Variants in ATP2B2 observed in about 807,000 individuals in gnomAD.
ATP2B2 encodes the protein ATPase plasma membrane Ca2+ transporting 2.
A neutral mutation model predicts 120.0 loss-of-function variants in ATP2B2; 15 were observed. That is an observed-to-expected ratio of 0.12 (90% CI 0.08 to 0.19). The LOEUF (loss-of-function observed/expected upper bound fraction) is 0.19, where lower values mean the gene tolerates loss of function less well. ATP2B2 is among the 10% of genes least tolerant of loss of function. ATP2B2 has a pLI of 1.00. For missense variants in ATP2B2, 1,045 were observed against 1,719.8 expected, an observed-to-expected ratio of 0.61 and a Z score of 6.94; for synonymous variants, 694 against 700.3, an observed-to-expected ratio of 0.99 and a Z score of 0.14.
intron 2 of ATP2B2, among the ~76,000 whole-genome samples, chr3:10,537,610 T>C (rs1226574862): frequency 1.3e-5 from 2 of 152,184 alleles, no homozygotes; most frequent in Non-Finnish European, 2.9e-5. Context: ...GATTTTTATG[T>C]AGACAATCAA....
At chr3:10,406,398 CA>C (rs2124996340) in intron 3 of ATP2B2, among the ~76,000 whole-genome samples, 1 of 152,362 alleles carries the variant, frequency 6.6e-6, no homozygotes, top group Admixed American at 6.5e-5. Flanking sequence ...ATGAGCCATG[CA>C]AGGCCGTTTC....
At chr3:10,706,760 G>A (rs1017197786) in intron 1 of ATP2B2, among the ~76,000 whole-genome samples, 1 of 152,206 alleles carries the variant, frequency 6.6e-6, no homozygotes, top group Non-Finnish European at 1.5e-5. Flanking sequence ...GCCCTAGAAG[G>A]TGGGGAAACT....
At chr3:10,409,200 A>C (rs971010240) in intron 3 of ATP2B2, among the ~76,000 whole-genome samples, 1 of 152,172 alleles carries the variant, frequency 6.6e-6, no homozygotes, top group Non-Finnish European at 1.5e-5. Context: ...TTGGTATAAA[A>C]CTTCTTCAAA....
intron 2 of ATP2B2, among the ~76,000 whole-genome samples, chr3:10,442,346 G>A (rs766750209): frequency 1.2e-4 from 19 of 152,258 alleles, no homozygotes; most frequent in East Asian, 3.9e-4. Flanking sequence ...TGGAATCACC[G>A]GGAAGCCCTT....
chr3:10,526,674 C>G (rs1046168469), intron 3 of ATP2B2, among the ~76,000 whole-genome samples: 2 of 152,034 alleles, frequency 1.3e-5, no homozygotes, highest in Non-Finnish European at 1.5e-5. Context: ...GTGCGGATGG[C>G]CAAGAAGGAC....
Position 10,449,774 on chromosome 3 carries a change from G to C in ATP2B2, c.-231C>G. On this transcript the variant is annotated 5_prime_UTR_variant, in exon 2 of 23. Coordinates refer to ENST00000360273, the MANE Select transcript of ATP2B2 (RefSeq NM_001001331.4). ...GGGACGAGGTCCAGGGGCCGGAGGG[G>C]CTCAGGGCTGTAGACCCAGGAGTCT... The C allele has an allele frequency of 1.7e-6, 1 of 602,068 alleles. No individual in the cohort carries two copies. Among genetic ancestry groups the C allele is most frequent in the Non-Finnish European group, 3.0e-6 (1 of 333,310 alleles). 37.3% of individuals were successfully genotyped at this position (602,068 alleles called of 1,614,324 possible).
chr3:10,549,025 G>A (rs144406198), intron 2 of ATP2B2, among the ~76,000 whole-genome samples: 1 of 152,292 alleles, frequency 6.6e-6, no homozygotes, highest in African/African-American at 2.4e-5. Flanking sequence ...TGCCTGTCAA[G>A]CCCCAAACTA....
intron 2 of ATP2B2, among the ~76,000 whole-genome samples, chr3:10,552,434 G>A (rs2067690216): frequency 6.6e-6 from 1 of 152,226 alleles, no homozygotes; most frequent in Non-Finnish European, 1.5e-5. Context: ...GGCTCCTGGG[G>A]TGAGGGAAAA....
chr3:10,513,432 C>T (rs563412608), intron 3 of ATP2B2, among the ~76,000 whole-genome samples: 4 of 152,312 alleles, frequency 2.6e-5, no homozygotes, highest in African/African-American at 9.6e-5. Context: ...GACCACTGTA[C>T]AGATTTCTGT....
chr3:10,666,898 T>C (rs2070954482), intron 1 of ATP2B2, among the ~76,000 whole-genome samples: 1 of 152,164 alleles, frequency 6.6e-6, no homozygotes. Flanking sequence ...CCCACGACTC[T>C]CTGAGTTTTA....
chr3:10,458,025 T>G (rs1456795078), intron 1 of ATP2B2, among the ~76,000 whole-genome samples: 1 of 152,138 alleles, frequency 6.6e-6, no homozygotes, highest in Non-Finnish European at 1.5e-5. Context: ...CAATGTTAGA[T>G]GGCAGGAAAA....
chr3:10,515,630 G>C (rs1239834282), intron 3 of ATP2B2, among the ~76,000 whole-genome samples: 2 of 152,132 alleles, frequency 1.3e-5, no homozygotes, highest in Admixed American at 6.5e-5. Context: ...CTAGAGGCCA[G>C]GTGGTATATG....
Position 10,659,112 on chromosome 3 carries a change from A to T in ATP2B2, c.-459-39151T>A, listed in dbSNP as rs1256916285. The stretch of plus-strand genomic sequence containing the variant: ...GAAGGAAGGACTAAACATGGAAAGG[A>T]ACAACTGGTTCCAGCCACTGCAAAA... On this transcript the variant is annotated intron_variant, in intron 1 of 21. Transcript: ENST00000646379. Among the ~76,000 whole-genome samples the T allele has an allele frequency of 2.0e-5, 3 of 152,248 alleles. No individual in the cohort carries two copies. In the East Asian group the frequency reaches 5.8e-4, roughly 29 times the overall value.
At chr3:10,421,545 A>G (rs1386300152) in intron 2 of ATP2B2, among the ~76,000 whole-genome samples, 1 of 152,220 alleles carries the variant, frequency 6.6e-6, no homozygotes, top group Non-Finnish European at 1.5e-5. Context: ...GAGTGGCGAG[A>G]AAAAGGAGAC....
chr3:10,642,481 C>T (rs1181074961), intron 1 of ATP2B2, among the ~76,000 whole-genome samples: 2 of 152,156 alleles, frequency 1.3e-5, no homozygotes, highest in Non-Finnish European at 2.9e-5. Context: ...AACCAGATAA[C>T]TTTACAATCT....
intron 12 of ATP2B2, among the ~76,000 whole-genome samples, chr3:10,365,311 T>G (rs2061012249): frequency 6.6e-6 from 1 of 152,234 alleles, no homozygotes; most frequent in Admixed American, 6.5e-5. Flanking sequence ...AGTGAATCAA[T>G]GAATAATTTT....
intron 1 of ATP2B2, among the ~76,000 whole-genome samples, chr3:10,493,054 AC>A (rs1302504520): frequency 6.6e-6 from 1 of 151,968 alleles, no homozygotes; most frequent in African/African-American, 2.4e-5. Context: ...TTCATTCCAC[AC>A]AAATCTGCTG....
intron 2 of ATP2B2, among the ~76,000 whole-genome samples, chr3:10,611,383 T>G (rs1207243304): frequency 6.6e-6 from 1 of 151,852 alleles, no homozygotes; most frequent in East Asian, 1.9e-4. Flanking sequence ...GGCAGAGGGG[T>G]GTGGGAAAGT....
rs768891923 is a variant in ATP2B2 at position 10,329,139 on chromosome 3, A to C, written c.3421-14T>G. 1 of 1,607,196 alleles carries C rather than the reference A, an allele frequency of 6.2e-7. No individual in the cohort carries two copies. Among genetic ancestry groups the C allele is most frequent in the Non-Finnish European group, 8.5e-7 (1 of 1,177,248 alleles). On this transcript the variant is annotated splice_polypyrimidine_tract_variant and intron_variant, in intron 22 of 22. Coordinates refer to ENST00000360273, the MANE Select transcript of ATP2B2 (RefSeq NM_001001331.4). This position sits in a 1 kb window ranked among gnomAD's most constrained non-coding sequence, Gnocchi z 5.9. Reference sequence around the variant, plus strand: ...CACGACGCGGATCTGCAAGGGAAGCACAGGGGTCAGGAGCACTGCCCAGGG... The same window carrying C: ...CACGACGCGGATCTGCAAGGGAAGCCCAGGGGTCAGGAGCACTGCCCAGGG...
Sources: gnomAD v4.1 joint callset for allele counts (sites outside exome capture counted in the v4.1 genomes callset) on GRCh38, gnomAD v4.1.1 for gene constraint, Gnocchi (gnomAD v3.1) non-coding constraint, MANE v1.5 for transcripts, NCBI Gene and HGNC (gene_info 2026-07-23, HGNC 2026-07-21) for gene names.